The following BCKDHB variants were observed in gnomAD, a reference collection of about 807,000 sequenced individuals.
The protein encoded by BCKDHB is 2-oxoisovalerate dehydrogenase subunit beta, mitochondrial.
A neutral mutation model predicts 48.5 loss-of-function variants in BCKDHB; 41 were observed. The observed-to-expected ratio is 0.85, with a 90% confidence interval of 0.66 to 1.10. The LOEUF (loss-of-function observed/expected upper bound fraction) is 1.10. BCKDHB is among the 50% of genes least tolerant of loss of function. The pLI is 0.00. For synonymous variants in BCKDHB, 201 were observed against 174.8 expected (o/e 1.15, Z -1.18); for missense variants, 496 against 494.2 (o/e 1.00, Z -0.03).
chr6:80,385,334 A>C, the BCKDHB span, among the ~76,000 whole-genome samples: 1 of 152,192 alleles, frequency 6.6e-6, no homozygotes, highest in Non-Finnish European at 1.5e-5. Flanking sequence ...CCTGCAACTA[A>C]AGGTGCTTGC....
intron 9 of BCKDHB, among the ~76,000 whole-genome samples, chr6:80,322,972 A>G (rs1768825595): frequency 6.7e-6 from 1 of 150,156 alleles, no homozygotes; most frequent in Non-Finnish European, 1.5e-5. Flanking sequence ...TGATGAATCA[A>G]TTATAATTTA....
intron 8 of BCKDHB, among the ~76,000 whole-genome samples, chr6:80,203,464 A>C (rs535965972): frequency 2.6e-5 from 4 of 152,214 alleles, no homozygotes; most frequent in Non-Finnish European, 4.4e-5. Context: ...TCCTTTATGC[A>C]GTCACCTTGG....
intron 6 of BCKDHB, 54 bp downstream of exon 6, chr6:80,171,444 T>C: frequency 9.6e-7 from 1 of 1,045,030 alleles, no homozygotes; most frequent in Non-Finnish European, 1.4e-6. Flanking sequence ...CTTTGTTTTT[T>C]ATAGCTCTAA....
chr6:80,428,330 A>G, the BCKDHB span, among the ~76,000 whole-genome samples: 1,292 of 152,280 alleles, frequency 8.5e-3, 10 homozygotes, highest in Non-Finnish European at 0.014. Context: ...TGCAGTAAAC[A>G]TACGTGTGCA....
intron 3 of BCKDHB, 139 bp downstream of exon 3, chr6:80,129,368 A>C: frequency 1.4e-6 from 1 of 703,572 alleles, no homozygotes; most frequent in Non-Finnish European, 2.5e-6. Context: ...CGCCACCCGC[A>C]GAATCCTTTG....
intron 1 of BCKDHB, among the ~76,000 whole-genome samples, chr6:80,125,683 G>T (rs1770306728): frequency 6.6e-6 from 1 of 152,102 alleles, no homozygotes; most frequent in Non-Finnish European, 1.5e-5. Context: ...AGAGATAAAG[G>T]AGAATGACTG....
the BCKDHB span, among the ~76,000 whole-genome samples, chr6:80,405,281 T>G: frequency 1.3e-5 from 2 of 152,192 alleles, no homozygotes. Context: ...TTATCATTAT[T>G]TAATGACTTT....
chr6:80,446,569 C>T, the BCKDHB span, among the ~76,000 whole-genome samples: 1 of 152,072 alleles, frequency 6.6e-6, no homozygotes, highest in Admixed American at 6.6e-5. Context: ...TCAGAAGGCC[C>T]ATTACCTCCT....
chr6:80,302,581 T>C (rs546244429), intron 9 of BCKDHB, among the ~76,000 whole-genome samples: 1 of 152,276 alleles, frequency 6.6e-6, no homozygotes, highest in Non-Finnish European at 1.5e-5. Context: ...ACCTATGTTG[T>C]CAAGTAGGTG....
intron 3 of BCKDHB, among the ~76,000 whole-genome samples, chr6:80,151,127 A>G (rs1049956555): frequency 4.6e-5 from 7 of 152,228 alleles, no homozygotes; most frequent in African/African-American, 1.7e-4. Flanking sequence ...TAGATGGACT[A>G]ATGGATTCAC....
At chr6:80,264,359 A>G (rs1777426794) in intron 8 of BCKDHB, among the ~76,000 whole-genome samples, 2 of 152,196 alleles carry the variant, frequency 1.3e-5, no homozygotes, top group African/African-American at 4.8e-5. Context: ...TAAGATGATG[A>G]AAGTGATTTC....
intron 1 of BCKDHB, among the ~76,000 whole-genome samples, chr6:80,114,901 C>T (rs1283658880): frequency 6.6e-6 from 1 of 152,148 alleles, no homozygotes; most frequent in Non-Finnish European, 1.5e-5. Context: ...GAGGAACTAG[C>T]TTAAAGGAAG....
chr6:80,397,753 G>A, the BCKDHB span, among the ~76,000 whole-genome samples: 1 of 152,060 alleles, frequency 6.6e-6, no homozygotes, highest in African/African-American at 2.4e-5. Flanking sequence ...ATGGTGGCGT[G>A]TGCCTAGTCC....
At chr6:80,363,850 A>G in the BCKDHB span, among the ~76,000 whole-genome samples, 1 of 152,228 alleles carries the variant, frequency 6.6e-6, no homozygotes, top group Non-Finnish European at 1.5e-5. Context: ...ATATGTTAAT[A>G]TGGCAAAAAT....
At chr6:80,347,006 A>G (rs1389383997), downstream of BCKDHB, among the ~76,000 whole-genome samples, 1 of 151,804 alleles carries the variant, frequency 6.6e-6, no homozygotes, top group Admixed American at 6.6e-5. Flanking sequence ...GCAAAAAGAA[A>G]AAAAAAAAGA....
chr6:80,240,415 T>A (rs1452468915), intron 8 of BCKDHB, among the ~76,000 whole-genome samples: 1 of 152,156 alleles, frequency 6.6e-6, no homozygotes, highest in Non-Finnish European at 1.5e-5. Context: ...AGGTATTTTA[T>A]TCTCTTTGAA....
At chr6:80,406,577 G>A in the BCKDHB span, among the ~76,000 whole-genome samples, 1 of 152,144 alleles carries the variant, frequency 6.6e-6, no homozygotes, top group Non-Finnish European at 1.5e-5. Flanking sequence ...ATCTCACTGT[G>A]GTTTTGATTT....
At chr6:80,366,772 A>G in the BCKDHB span, among the ~76,000 whole-genome samples, 1 of 151,878 alleles carries the variant, frequency 6.6e-6, no homozygotes, top group Non-Finnish European at 1.5e-5. Context: ...TTCACTCCTT[A>G]CTCCTTTGGA....
chr6:80,307,751 T>G, intron 9 of BCKDHB: 1 of 982,510 alleles, frequency 1.0e-6, no homozygotes, highest in Non-Finnish European at 1.2e-6. Flanking sequence ...AGATTTATTT[T>G]AGTAGAAGAT....
Sources: allele counts gnomAD v4.1 joint callset (sites outside exome capture counted in the v4.1 genomes callset), GRCh38; gene constraint gnomAD v4.1.1; transcripts MANE v1.5; gene names NCBI Gene and HGNC (gene_info 2026-07-23, HGNC 2026-07-21).